DLC1: variants seen among roughly 807,000 people sequenced by gnomAD.
The protein encoded by DLC1 is rho GTPase-activating protein 7.
DLC1 carries 54 observed loss-of-function variants against 140.3 expected under a neutral mutation model. That is an observed-to-expected ratio of 0.38 (90% confidence interval 0.31 to 0.48). DLC1 has a LOEUF of 0.48. Ranked by LOEUF, DLC1 falls within the 20% of genes least tolerant of loss-of-function variation. DLC1 has a pLI of 0.96. For missense variants in DLC1, 2,536 were observed against 1,907.0 expected (o/e 1.33, Z -6.14); for synonymous variants, 986 against 728.1 (o/e 1.35, Z -5.70).
At chr8:13,246,595 A>G (rs1353241443) in intron 5 of DLC1, among the ~76,000 whole-genome samples, 1 of 152,180 alleles carries the variant, frequency 6.6e-6, no homozygotes, top group African/African-American at 2.4e-5. Context: ...AGCAATTCAT[A>G]TCAATGCAGT....
intron 7 of DLC1, among the ~76,000 whole-genome samples, chr8:13,104,511 C>A (rs1226311157): frequency 6.6e-6 from 1 of 152,194 alleles, no homozygotes; most frequent in Non-Finnish European, 1.5e-5. Flanking sequence ...ACTTAGTCTT[C>A]CTCAAATGAA....
chr8:13,574,116 G>C (rs1166485616), intron 1 of DLC1, among the ~76,000 whole-genome samples: 1 of 152,092 alleles, frequency 6.6e-6, no homozygotes, highest in African/African-American at 2.4e-5. Context: ...CTGAGTAGCT[G>C]TTTTCTGTAA....
At chr8:13,304,500 C>A (rs1277532541) in intron 5 of DLC1, 10 of 249,610 alleles carry the variant, frequency 4.0e-5, no homozygotes, top group Non-Finnish European at 5.1e-5. Flanking sequence ...AACTCTACTG[C>A]TTTAGTGTAA....
chr8:13,234,005 T>C (rs1829171309), intron 5 of DLC1, among the ~76,000 whole-genome samples: 1 of 152,222 alleles, frequency 6.6e-6, no homozygotes, highest in African/African-American at 2.4e-5. Context: ...TCTTTTTTCT[T>C]TCTTCTTTAT....
chr8:13,252,138 A>G (rs1326431198), intron 5 of DLC1, among the ~76,000 whole-genome samples: 3 of 152,188 alleles, frequency 2.0e-5, no homozygotes, highest in Non-Finnish European at 2.9e-5. Context: ...AACTTGTCCT[A>G]AGTAACATTT....
intron 5 of DLC1, among the ~76,000 whole-genome samples, chr8:13,199,683 T>A (rs1448757639): frequency 1.3e-5 from 2 of 152,144 alleles, no homozygotes; most frequent in African/African-American, 4.8e-5. Flanking sequence ...CTTCATAAGA[T>A]GGTGAGGGGA....
At chr8:13,316,568 C>G (rs941569559) in intron 4 of DLC1, among the ~76,000 whole-genome samples, 7 of 152,050 alleles carry the variant, frequency 4.6e-5, no homozygotes, top group African/African-American at 1.7e-4. Context: ...GTAGGTTGGG[C>G]CCATGGCAAG....
intron 5 of DLC1, among the ~76,000 whole-genome samples, chr8:13,149,323 C>T (rs758970292): frequency 1.6e-4 from 24 of 152,098 alleles, no homozygotes; most frequent in Admixed American, 1.3e-4. Context: ...AATTTTAAAA[C>T]GGCAACTCTG....
At chr8:13,430,284 G>A (rs1563339766) in intron 2 of DLC1, among the ~76,000 whole-genome samples, 1 of 152,082 alleles carries the variant, frequency 6.6e-6, no homozygotes, top group Non-Finnish European at 1.5e-5. Flanking sequence ...ATGTGATTGT[G>A]CCATTAGTGG....
intron 3 of DLC1, among the ~76,000 whole-genome samples, chr8:13,393,948 A>G (rs1300485043): frequency 6.6e-6 from 1 of 152,234 alleles, no homozygotes; most frequent in Non-Finnish European, 1.5e-5. Flanking sequence ...CTGAGTGTGC[A>G]TTGGAAAGGC....
intron 4 of DLC1, among the ~76,000 whole-genome samples, chr8:13,388,408 C>G (rs2444947): frequency 6.6e-6 from 1 of 151,708 alleles, no homozygotes; most frequent in African/African-American, 2.4e-5. Context: ...ATCCCAGACA[C>G]AAGCAAAACC....
chr8:13,295,881 T>TG (rs1201083265), intron 5 of DLC1, among the ~76,000 whole-genome samples: 3 of 148,060 alleles, frequency 2.0e-5, no homozygotes, highest in Non-Finnish European at 1.5e-5. Context: ...AACTGTGCAC[T>TG]GGAAACTCAA....
intron 1 of DLC1, among the ~76,000 whole-genome samples, chr8:13,577,245 A>T (rs990928123): frequency 2.0e-5 from 3 of 152,166 alleles, no homozygotes; most frequent in African/African-American, 7.2e-5. Flanking sequence ...TGTATTAAGT[A>T]TTTTAGCTGG....
chr8:13,197,373 G>A (rs908142539), intron 5 of DLC1, among the ~76,000 whole-genome samples: 2 of 151,262 alleles, frequency 1.3e-5, no homozygotes, highest in African/African-American at 2.4e-5. Context: ...TTTGAGATGG[G>A]AGTCTTGCTC....
intron 5 of DLC1, among the ~76,000 whole-genome samples, chr8:13,184,897 G>T (rs1418328806): frequency 2.6e-5 from 4 of 152,126 alleles, no homozygotes; most frequent in African/African-American, 2.4e-5. Context: ...TGACAGAGGG[G>T]TGTTAAAGTC....
chr8:13,279,369 G>A (rs1831283235), intron 5 of DLC1, among the ~76,000 whole-genome samples: 1 of 152,188 alleles, frequency 6.6e-6, no homozygotes, highest in Non-Finnish European at 1.5e-5. Context: ...ATTTCAGTAG[G>A]TGTTAGAAAC....
chr8:13,276,709 G>C (rs1354849566), intron 5 of DLC1: 2 of 696,552 alleles, frequency 2.9e-6, no homozygotes, highest in African/African-American at 3.8e-5. Flanking sequence ...GTCCGCGCCG[G>C]GCTGCTCCTG....
At chr8:13,513,000 G>A (rs1324461508) in intron 1 of DLC1, among the ~76,000 whole-genome samples, 1 of 137,654 alleles carries the variant, frequency 7.3e-6, no homozygotes, top group African/African-American at 2.7e-5. Flanking sequence ...TAGAGGAACT[G>A]CAAATTTCTG....
intron 5 of DLC1, chr8:13,133,126 T>A (rs1822262686): frequency 1.5e-5 from 22 of 1,461,368 alleles, no homozygotes; most frequent in Non-Finnish European, 2.0e-5. Flanking sequence ...TCCCTGCCCC[T>A]CGTCACGGCC....
Sources: allele counts gnomAD v4.1 joint callset (sites outside exome capture counted in the v4.1 genomes callset), GRCh38; gene constraint gnomAD v4.1.1; transcripts MANE v1.5; gene names NCBI Gene and HGNC (gene_info 2026-07-23, HGNC 2026-07-21).